STPG2: variants seen among roughly 807,000 people sequenced by gnomAD.
STPG2 encodes the protein sperm-tail PG-rich repeat-containing protein 2.
A neutral mutation model predicts 54.2 loss-of-function variants in STPG2; 56 were observed. The ratio of observed to expected loss-of-function variants is 1.03; its 90% confidence interval spans 0.83 to 1.29. The LOEUF is 1.29. Ranked by LOEUF, STPG2 falls within the 50% of genes most tolerant of loss-of-function variation. The pLI is 0.00. For missense variants in STPG2, 596 were observed against 544.9 expected (o/e 1.09, Z -0.93); for synonymous variants, 200 against 181.8 (o/e 1.10, Z -0.81).
chr4:97,739,959 C>A lies in STPG2; in HGVS notation c.1205-27145G>T, dbSNP rs567263252. ...CCTTGATGAACATTGATGCAAAAAT[C>A]CTCAATAAAATACTGGCAAACCGAA... On this transcript the variant is annotated intron_variant, in intron 9 of 10. Coordinates refer to ENST00000295268, the MANE Select transcript of STPG2 (RefSeq NM_174952.3). Among the ~76,000 whole-genome samples the A allele has an allele frequency of 2.0e-5, 3 of 152,018 alleles. No homozygotes were observed. In the South Asian group the frequency reaches 6.2e-4, roughly 32 times the overall value.
chr4:97,734,913 A>G (rs1724924589), intron 9 of STPG2, among the ~76,000 whole-genome samples: 1 of 152,048 alleles, frequency 6.6e-6, no homozygotes, highest in Non-Finnish European at 1.5e-5. Context: ...TCTACTAAAA[A>G]TACAAAAAAA....
At chr4:97,771,403 G>T (rs1726215068) in intron 9 of STPG2, among the ~76,000 whole-genome samples, 1 of 152,164 alleles carries the variant, frequency 6.6e-6, no homozygotes, top group African/African-American at 2.4e-5. Context: ...TAAGGTTGGG[G>T]TTCAGACCTT....
chr4:97,799,397 G>A (rs1727305727), intron 9 of STPG2, among the ~76,000 whole-genome samples: 2 of 152,110 alleles, frequency 1.3e-5, no homozygotes, highest in African/African-American at 4.8e-5. Context: ...AAATCTCTCA[G>A]CATTTGCTTG....
intron 8 of STPG2, among the ~76,000 whole-genome samples, chr4:97,898,503 T>G (rs1731047023): frequency 6.6e-6 from 1 of 151,726 alleles, no homozygotes; most frequent in African/African-American, 2.4e-5. Context: ...ATGTTCTTTG[T>G]ATAAATGTCA....
Position 97,840,778 on chromosome 4 carries a change from CCATCAGT to C in STPG2, c.1192_1198del (p.Thr398GlyfsTer11). On this transcript the variant is annotated frameshift_variant, in exon 9 of 11. Transcript: ENST00000295268. LOFTEE classifies it high-confidence loss of function. The stretch of plus-strand genomic sequence containing the variant: ...ATAAGGACTTCTAGACTTACCTGGC[CCATCAGT>C]CACTTTTTCTAGGCACCGAGGAGTT... 6.2e-7 allele frequency: 1 copy of C among 1,610,574 alleles called. No homozygotes were observed. Among genetic ancestry groups the C allele is most frequent in the Non-Finnish European group, 8.5e-7 (1 of 1,177,876 alleles).
At chr4:97,593,856 C>T (rs762463908) in intron 10 of STPG2, among the ~76,000 whole-genome samples, 29 of 151,204 alleles carry the variant, frequency 1.9e-4, no homozygotes, top group Non-Finnish European at 3.8e-4. Flanking sequence ...GCTAGGTAAC[C>T]GCCCCCCAAG....
intron 1 of STPG2, among the ~76,000 whole-genome samples, chr4:98,137,091 C>T (rs1170004331): frequency 6.6e-6 from 1 of 151,636 alleles, no homozygotes; most frequent in Non-Finnish European, 1.5e-5. Flanking sequence ...TAAGACCAAA[C>T]TTTATGCTGT....
At chr4:98,081,513 C>A (rs1357147862) in intron 5 of STPG2, among the ~76,000 whole-genome samples, 3 of 152,114 alleles carry the variant, frequency 2.0e-5, no homozygotes, top group Non-Finnish European at 4.4e-5. Context: ...TTTGGAGAAT[C>A]CCAGAATAAG....
chr4:97,903,447 T>TA lies in STPG2; in HGVS notation c.1044+40449dup, dbSNP rs931086969. On this transcript the variant is annotated intron_variant, in intron 8 of 10. Transcript: ENST00000295268. ...GTATCTAAGCATACAATTAAAAATC[T>TA]AAAAAAAAAACAGCAAATTAAATAA... Among the ~76,000 whole-genome samples, 1,346 of 144,546 alleles carry TA rather than the reference T, an allele frequency of 9.3e-3. 21 individuals are homozygous for TA. The highest frequency in any genetic ancestry group is 0.029 in the African/African-American group (1,134 of 39,532). The allele number at this position is 144,546 out of a possible 152,430, so 94.8% of individuals were successfully genotyped here.
intron 9 of STPG2, among the ~76,000 whole-genome samples, chr4:97,814,398 G>A (rs1407468714): frequency 6.6e-6 from 1 of 151,958 alleles, no homozygotes; most frequent in East Asian, 1.9e-4. Context: ...GTGCAATCTC[G>A]GCTCACTACA....
chr4:97,804,298 T>C (rs1291757693), intron 9 of STPG2, among the ~76,000 whole-genome samples: 1 of 152,040 alleles, frequency 6.6e-6, no homozygotes, highest in Non-Finnish European at 1.5e-5. Context: ...GAACCACACA[T>C]CCAACAGTGG....
At chr4:97,738,699 C>A (rs961058897) in intron 9 of STPG2, among the ~76,000 whole-genome samples, 2 of 152,038 alleles carry the variant, frequency 1.3e-5, no homozygotes. Flanking sequence ...CAGGAGCACC[C>A]AGATTCATAA....
chr4:97,588,869 C>CA (rs1733065374), intron 10 of STPG2, among the ~76,000 whole-genome samples: 1 of 152,078 alleles, frequency 6.6e-6, no homozygotes, highest in Non-Finnish European at 1.5e-5. Context: ...TAGCACTTAG[C>CA]ATTTTCTATG....
intron 10 of STPG2, among the ~76,000 whole-genome samples, chr4:97,670,241 A>C (rs1393612047): frequency 6.6e-6 from 1 of 151,952 alleles, no homozygotes; most frequent in African/African-American, 2.4e-5. Context: ...GATTTTCCCC[A>C]TACCTTCTCA....
At chr4:97,697,366 G>A (rs997926696) in intron 10 of STPG2, among the ~76,000 whole-genome samples, 4 of 152,158 alleles carry the variant, frequency 2.6e-5, no homozygotes, top group Non-Finnish European at 5.9e-5. Context: ...AAGCATCCCA[G>A]GCACCCCTGA....
In STPG2 at chr4:97,529,963, T is replaced by C. The variant is rs531947697; in HGVS notation, c.462+182736A>G. 8.5e-5 allele frequency among the ~76,000 whole-genome samples: 13 copies of C among 152,308 alleles called. No homozygotes were observed. In the South Asian group the frequency reaches 2.7e-3, roughly 32 times the overall value. ...TACTAATTTTTTATTTGTTTACTTC[T>C]ATTATTTATTTTTCTTTTTTCTTCC... On this transcript the variant is annotated intron_variant, in intron 4 of 4. Coordinates refer to the STPG2 transcript ENST00000522676.
At position 97,467,944 on chromosome 4, in the gene STPG2, G is replaced by A. The variant is rs1377711477; in HGVS notation, c.462+244755C>T. The stretch of plus-strand genomic sequence containing the variant: ...TATGTGGCATACTACATAGACTGTA[G>A]AGAATAAACATTATATTATCTCTAA... On this transcript the variant is annotated intron_variant, in intron 4 of 4. Transcript: ENST00000522676. Among the ~76,000 whole-genome samples, 3 of 150,752 alleles carry A rather than the reference G, an allele frequency of 2.0e-5. No homozygotes were observed. In the Admixed American group the frequency reaches 2.0e-4, roughly 10 times the overall value.
chr4:97,489,426 G>T (rs1400501295), intron 4 of STPG2, among the ~76,000 whole-genome samples: 1 of 151,616 alleles, frequency 6.6e-6, no homozygotes, highest in African/African-American at 2.4e-5. Flanking sequence ...GGTTCCCCAA[G>T]GCTAGTACCA....
At chr4:97,739,069 C>A (rs1421200953) in intron 9 of STPG2, among the ~76,000 whole-genome samples, 1 of 151,982 alleles carries the variant, frequency 6.6e-6, no homozygotes. Flanking sequence ...TCACTCAAAA[C>A]CGCTCAACTA....
Sources: allele counts gnomAD v4.1 joint callset (sites outside exome capture counted in the v4.1 genomes callset), GRCh38; gene constraint gnomAD v4.1.1; transcripts MANE v1.5; gene names NCBI Gene and HGNC (gene_info 2026-07-23, HGNC 2026-07-21).